NR0B2: variants seen among roughly 807,000 people sequenced by gnomAD.
NR0B2 encodes the protein nuclear receptor subfamily 0 group B member 2.
NR0B2 carries 17 observed loss-of-function variants against 18.9 expected under a neutral mutation model. The ratio of observed to expected loss-of-function variants is 0.90; its 90% CI spans 0.62 to 1.35. The LOEUF is 1.35. Among genes scored for constraint, NR0B2 ranks in the 40% most tolerant of loss-of-function variants. NR0B2 has a pLI of 0.00. For synonymous variants in NR0B2, 116 were observed against 138.5 expected, an observed-to-expected ratio of 0.84 and a Z score of 1.14; for missense variants, 312 against 333.3, an observed-to-expected ratio of 0.94 and a Z score of 0.50.
chr1:26,912,112 C>T (rs1197789245), intron 1 of NR0B2, 26 bp from the exon 2 acceptor site: 17 of 1,611,962 alleles, frequency 1.1e-5, no homozygotes, highest in Non-Finnish European at 1.4e-5. Context: ...GAGAAGAGGG[C>T]TGGTGAGCAC....
Position 26,913,646 on chromosome 1 carries a change from C to T in NR0B2, c.295G>A (p.Gly99Arg). ...AAGGTCACAGCATCTTGGGCCAACC[C>T]AAGCAGGAAGAGGGGGCCCCAGCAA... ...QGCWGPLFLL[G>R]LAQDAVTFEV... The change falls in exon 1 of 2, where the codon GGG (glycine) becomes AGG (arginine). Residue 99 changes from glycine to arginine, a missense_variant. By Grantham distance (125) the Gly-to-Arg change is moderately radical. Coordinates refer to ENST00000254227, the MANE Select transcript of NR0B2 (RefSeq NM_021969.3). The T allele has an allele frequency of 6.2e-7, 1 of 1,613,762 alleles. No homozygotes were observed. The highest frequency in any genetic ancestry group is 1.1e-5 in the South Asian group (1 of 91,078).
Position 26,913,663 on chromosome 1 carries a change from C to G in NR0B2, c.278G>C (p.Gly93Ala). The G allele has an allele frequency of 6.2e-7, 1 of 1,613,606 alleles. No individual in the cohort carries two copies. The highest frequency in any genetic ancestry group is 8.5e-7 in the Non-Finnish European group (1 of 1,179,826). Residue 93 changes from glycine (G) to alanine (A), a missense_variant, in exon 1 of 2, where the codon GGC becomes GCC. Gly to Ala is a moderately conservative substitution (Grantham distance 60). Coordinates refer to ENST00000254227, the MANE Select transcript of NR0B2 (RefSeq NM_021969.3). ...DQRRLLQGCW[G>A]PLFLLGLAQD... is the part of the protein sequence containing the mutation. Reference sequence around the variant, plus strand: ...GGCCAACCCAAGCAGGAAGAGGGGGCCCCAGCAACCCTGCAGCAGCCGCCG... The same window carrying G: ...GGCCAACCCAAGCAGGAAGAGGGGGGCCCAGCAACCCTGCAGCAGCCGCCG...
At position 26,913,660 on chromosome 1, in the gene NR0B2, G is replaced by A; in HGVS notation, c.281C>T (p.Pro94Leu). 1 of 1,613,810 alleles carries A rather than the reference G, an allele frequency of 6.2e-7. No individual in the cohort carries two copies. Among genetic ancestry groups the A allele is most frequent in the Non-Finnish European group, 8.5e-7 (1 of 1,179,906 alleles). The change falls in exon 1 of 2, where the codon CCC becomes CTC. Residue 94 changes from proline (P) to leucine (L), a missense_variant. By Grantham distance (98) the Pro-to-Leu change is moderately conservative (BLOSUM62 -3). Transcript: ENST00000254227. ...QRRLLQGCWG[P>L]LFLLGLAQDA... ...TTGGGCCAACCCAAGCAGGAAGAGG[G>A]GGCCCCAGCAACCCTGCAGCAGCCG...
chr1:26,913,189 G>A (rs900808262), intron 1 of NR0B2, among the ~76,000 whole-genome samples: 9 of 152,118 alleles, frequency 5.9e-5, no homozygotes, highest in African/African-American at 2.2e-4. Context: ...GGGAGGCTGA[G>A]GCAGAGAAAA....
chr1:26,912,471 T>C (rs1426967315), intron 1 of NR0B2, among the ~76,000 whole-genome samples: 1 of 152,156 alleles, frequency 6.6e-6, no homozygotes, highest in Admixed American at 6.6e-5. Flanking sequence ...TTAAATGAAC[T>C]AGTATATGTA....
In NR0B2 at chr1:26,912,102, G is replaced by A. The variant is rs548748734; in HGVS notation, c.533-16C>T. The A allele has an allele frequency of 6.2e-7, 1 of 1,612,788 alleles. No individual in the cohort carries two copies. Among genetic ancestry groups the A allele is most frequent in the Non-Finnish European group, 8.5e-7 (1 of 1,179,968 alleles). Reference sequence around the variant, plus strand: ...CCTGGCACATCTGTGGGCAGAGAGGGAGAAGAGGGCTGGTGAGCACCCTAC... The same window carrying A: ...CCTGGCACATCTGTGGGCAGAGAGGAAGAAGAGGGCTGGTGAGCACCCTAC... On this transcript the variant is annotated splice_polypyrimidine_tract_variant and intron_variant, in intron 1 of 1. Transcript: ENST00000254227.
In NR0B2 at chr1:26,912,044, T is replaced by C; in HGVS notation, c.575A>G (p.Gln192Arg). ...ACACAGCACCCAGTGAGCCTCCTGCTGCAGGTGCCCAATGTGGGAGGCGGC... is the reference window on the plus strand; with the variant it reads ...ACACAGCACCCAGTGAGCCTCCTGCCGCAGGTGCCCAATGTGGGAGGCGGC... ...LQAASHIGHL[Q>R]QEAHWVLCEV... Residue 192 changes from glutamine (Q) to arginine (R), a missense_variant, in exon 2 of 2, where the codon CAG (glutamine) becomes CGG (arginine). Gln to Arg is a conservative substitution (Grantham distance 43, BLOSUM62 1). Coordinates refer to ENST00000254227, the MANE Select transcript of NR0B2 (RefSeq NM_021969.3). 6.2e-7 allele frequency: 1 copy of C among 1,614,138 alleles called. No individual in the cohort carries two copies. Among genetic ancestry groups the C allele is most frequent in the Admixed American group, 1.7e-5 (1 of 60,022 alleles).
chr1:26,911,581 T>A lies in NR0B2; in HGVS notation c.*264A>T. On this transcript the variant is annotated 3_prime_UTR_variant, in exon 2 of 2. Coordinates refer to ENST00000254227, the MANE Select transcript of NR0B2 (RefSeq NM_021969.3). ...CTGGTCCAATAAGCAGCCTAAGCTTTCATTCTCATCCCAAGAAGGGACAGG... is the reference window on the plus strand; with the variant it reads ...CTGGTCCAATAAGCAGCCTAAGCTTACATTCTCATCCCAAGAAGGGACAGG... The A allele has an allele frequency of 3.9e-6, 2 of 508,188 alleles. 1 individual carries two copies. The highest frequency in any genetic ancestry group is 7.2e-6 in the Non-Finnish European group (2 of 278,482). 31.5% of individuals were successfully genotyped at this position (508,188 alleles called of 1,614,324 possible).
rs780173746 is a variant in NR0B2 at position 26,913,688 on chromosome 1, G to A, written c.253C>T (p.Arg85Trp). ...CCCCAGCAACCCTGCAGCAGCCGCC[G>A]CTGGTCCTGGGGAGGCAGCTGCCAG... ...SFWQLPPQDQ[R>W]RLLQGCWGPL... Residue 85 changes from arginine (R) to tryptophan (W), a missense_variant, in exon 1 of 2, where the codon CGG becomes TGG. Arg to Trp is a moderately radical substitution (Grantham distance 101, BLOSUM62 -3). Transcript: ENST00000254227. The A allele has an allele frequency of 2.1e-5, 34 of 1,612,586 alleles. No individual in the cohort carries two copies. The highest frequency in any genetic ancestry group is 2.8e-5 in the Non-Finnish European group (33 of 1,179,134).
Position 26,913,550 on chromosome 1 carries a change from C to T in NR0B2, c.391G>A (p.Gly131Ser), listed in dbSNP as rs769583626. ...GGTCTGTCTGGCAGTTGGCCACTGC[C>T]TCCACTGCTGCTGGGCTCCTCCAGC... ...ILLEEPSSSG[G>S]SGQLPDRPQP... The change falls in exon 1 of 2, where the codon GGC becomes AGC. Residue 131 changes from glycine to serine, a missense_variant. Coordinates refer to ENST00000254227, the MANE Select transcript of NR0B2 (RefSeq NM_021969.3). 1.9e-6 allele frequency: 3 copies of T among 1,614,132 alleles called. No individual in the cohort carries two copies. The highest frequency in any genetic ancestry group is 2.2e-5 in the South Asian group (2 of 91,092).
rs145183788 is a variant in NR0B2, at chr1:26,911,987, T to C, written c.632A>G (p.Gln211Arg). The change falls in exon 2 of 2, where the codon CAA (glutamine) becomes CGA (arginine). Residue 211 changes from glutamine to arginine, a missense_variant. By Grantham distance (43) the Gln-to-Arg change is conservative (BLOSUM62 1). Transcript: ENST00000254227. Reference sequence around the variant, plus strand: ...GAGGAGGACACGGGTCAGGCGGCCTTGGGCTGCTGGGCACCAGGGTTCCAG... The same window carrying C: ...GAGGAGGACACGGGTCAGGCGGCCTCGGGCTGCTGGGCACCAGGGTTCCAG... ...EVLEPWCPAA[Q>R]GRLTRVLLTA... The C allele has an allele frequency of 2.7e-5, 43 of 1,614,186 alleles. No homozygotes were observed. In the African/African-American group the frequency reaches 3.1e-4, roughly 12 times the overall value.
At position 26,912,058 on chromosome 1, in the gene NR0B2, G is replaced by A. The variant is rs2082030605; in HGVS notation, c.561C>T (p.His187=). ...PDVPGLQAAS[H]IGHLQQEAHW... Reference sequence around the variant, plus strand: ...GAGCCTCCTGCTGCAGGTGCCCAATGTGGGAGGCGGCTTGGAGGCCTGGCA... The same window carrying A: ...GAGCCTCCTGCTGCAGGTGCCCAATATGGGAGGCGGCTTGGAGGCCTGGCA... The change falls in exon 2 of 2, where the codon CAC becomes CAT. Residue 187 remains histidine, a synonymous_variant. Coordinates refer to ENST00000254227, the MANE Select transcript of NR0B2 (RefSeq NM_021969.3). 1 of 1,614,040 alleles carries A rather than the reference G, an allele frequency of 6.2e-7. No individual in the cohort carries two copies. The highest frequency in any genetic ancestry group is 1.1e-5 in the South Asian group (1 of 91,070).
chr1:26,912,729 C>T (rs1383854582), intron 1 of NR0B2, among the ~76,000 whole-genome samples: 4 of 152,092 alleles, frequency 2.6e-5, no homozygotes, highest in African/African-American at 9.7e-5. Flanking sequence ...TTTCTGAACC[C>T]ACAGAGGAGT....
chr1:26,913,015 G>C (rs2082037436), intron 1 of NR0B2, among the ~76,000 whole-genome samples: 1 of 152,198 alleles, frequency 6.6e-6, no homozygotes, highest in African/African-American at 2.4e-5. Context: ...AAGCACGGTG[G>C]CTCACGCCTG....
rs1053415046 is a variant in NR0B2 at position 26,911,595 on chromosome 1, A to C, written c.*250T>G. 3.7e-6 allele frequency: 2 copies of C among 533,686 alleles called. No homozygotes were observed. The highest frequency in any genetic ancestry group is 6.8e-6 in the Non-Finnish European group (2 of 294,032). 33.1% of individuals were successfully genotyped at this position (533,686 alleles called of 1,614,324 possible). On this transcript the variant is annotated 3_prime_UTR_variant, in exon 2 of 2. Transcript: ENST00000254227. Reference sequence around the variant, plus strand: ...AGCCTAAGCTTTCATTCTCATCCCAAGAAGGGACAGGAGTCTTGGCCCAGA... The same window carrying C: ...AGCCTAAGCTTTCATTCTCATCCCACGAAGGGACAGGAGTCTTGGCCCAGA...
rs113654931 is a variant in NR0B2 at position 26,913,781 on chromosome 1, G to A, written c.160C>T (p.Arg54Cys). ...ACATCCAAGGCCTCCCGGCAGGTGC[G>A]ATGAGGTGCACATAGCTGGACGGGC... ...HRPVQLCAPH[R>C]TCREALDVLA... Residue 54 changes from arginine (R) to cysteine (C), a missense_variant, in exon 1 of 2, where the codon CGC becomes TGC. By Grantham distance (180) the Arg-to-Cys change is radical (BLOSUM62 -3). Coordinates refer to ENST00000254227, the MANE Select transcript of NR0B2 (RefSeq NM_021969.3). The A allele has an allele frequency of 2.2e-4, 348 of 1,558,350 alleles. 1 individual carries two copies. Among genetic ancestry groups the A allele is most frequent in the Admixed American group, 8.8e-4 (47 of 53,506 alleles).
rs2082032016 is a variant in NR0B2 at position 26,912,166 on chromosome 1, G to T, written c.533-80C>A. ...AGGACAAGACTGGCCCAAGATCTGG[G>T]CCATCAGAGACACCCCTCTGCCTCC... is the stretch of plus-strand genomic sequence containing the variant. On this transcript the variant is annotated intron_variant, in intron 1 of 1. Transcript: ENST00000254227. The T allele has an allele frequency of 2.6e-6, 4 of 1,567,514 alleles. No homozygotes were observed. In the Admixed American group the frequency reaches 7.3e-5, roughly 29 times the overall value.
At position 26,911,628 on chromosome 1, in the gene NR0B2, G is replaced by C; in HGVS notation, c.*217C>G. 1.7e-6 allele frequency: 1 copy of C among 594,838 alleles called. No homozygotes were observed. The highest frequency in any genetic ancestry group is 3.0e-6 in the Non-Finnish European group (1 of 328,284). 36.8% of individuals were successfully genotyped at this position (594,838 alleles called of 1,614,324 possible). A position where few individuals can be genotyped will look rare whatever the true frequency, so the allele number is the denominator to read the frequency against. ...CAGGAGTCTTGGCCCAGAGGCTGTG[G>C]GGACCACCAAAAGCCTCCCAGGCAG... On this transcript the variant is annotated 3_prime_UTR_variant, in exon 2 of 2. Coordinates refer to ENST00000254227, the MANE Select transcript of NR0B2 (RefSeq NM_021969.3).
rs761241624 is a variant in NR0B2 at position 26,913,659 on chromosome 1, G to C, written c.282C>G (p.Pro94=). The part of the protein sequence containing the change: ...QRRLLQGCWG[P]LFLLGLAQDA... ...CTTGGGCCAACCCAAGCAGGAAGAG[G>C]GGGCCCCAGCAACCCTGCAGCAGCC... The change falls in exon 1 of 2, where the codon CCC becomes CCG. Residue 94 remains proline (P), a synonymous_variant. Coordinates refer to ENST00000254227, the MANE Select transcript of NR0B2 (RefSeq NM_021969.3). 5 of 1,613,720 alleles carry C rather than the reference G, an allele frequency of 3.1e-6. No homozygotes were observed. In the South Asian group the frequency reaches 5.5e-5, roughly 18 times the overall value.
Sources: allele counts gnomAD v4.1 joint callset (sites outside exome capture counted in the v4.1 genomes callset), GRCh38; gene constraint gnomAD v4.1.1; transcripts MANE v1.5; gene names NCBI Gene and HGNC (gene_info 2026-07-23, HGNC 2026-07-21).